POU6F1: variants seen among roughly 807,000 people sequenced by gnomAD.
POU6F1 encodes the protein POU domain, class 6, transcription factor 1.
POU6F1 carries 9 observed loss-of-function variants against 28.9 expected under a neutral mutation model. The observed-to-expected ratio is 0.31, with a 90% CI of 0.19 to 0.54. The LOEUF (loss-of-function observed/expected upper bound fraction) is 0.54. Among genes scored for constraint, POU6F1 ranks in the 20% least tolerant of loss-of-function variants. The pLI is 0.94. For synonymous variants in POU6F1, 173 were observed against 171.1 expected (o/e 1.01, Z -0.09); for missense variants, 338 against 426.1 (o/e 0.79, Z 1.82).
intron 1 of POU6F1, among the ~76,000 whole-genome samples, chr12:51,212,776 C>CAAAAA (rs1176606531): frequency 0.031 from 1,102 of 35,940 alleles, 2 homozygotes; most frequent in Middle Eastern, 0.053. Context: ...AACTCCGTCT[C>CAAAAA]AAAAAAAAAA....
In POU6F1 at chr12:51,190,423, G is replaced by T; in HGVS notation, c.1660C>A (p.Gln554Lys). 6.2e-7 allele frequency: 1 copy of T among 1,614,150 alleles called. No individual in the cohort carries two copies. Among genetic ancestry groups the T allele is most frequent in the Non-Finnish European group, 8.5e-7 (1 of 1,180,012 alleles). ...KRKRRTSFTP[Q>K]AIEALNAYFE... ...TAGGCATTGAGAGCCTCTATGGCCT[G>T]GGGGGTGAAGGAGGTGCGGCGTTTG... The change falls in exon 11 of 11, where the codon CAG (glutamine) becomes AAG (lysine). Residue 554 changes from glutamine (Q) to lysine (K), a missense_variant. Transcript: ENST00000333640. This position sits in a 1 kb window ranked among gnomAD's most constrained non-coding sequence, Gnocchi z 4.5.
chr12:51,197,869 C>T lies in POU6F1; in HGVS notation c.747G>A (p.Gln249=). 1 of 404,524 alleles carries T rather than the reference C, an allele frequency of 2.5e-6. No homozygotes were observed. Among genetic ancestry groups the T allele is most frequent in the Non-Finnish European group, 4.4e-6 (1 of 229,602 alleles). 25.1% of individuals were successfully genotyped at this position (404,524 alleles called of 1,614,324 possible). ...LLQTTPAILP[Q]PTAATAAAPT... is the part of the protein sequence containing the mutation. ...GGGCAGCAGCGGTGGCAGCAGTGGG[C>T]TGCGGGAGGATGGCAGGTGTGGTCT... The change falls in exon 6 of 11, where the codon CAG becomes CAA. Residue 249 remains glutamine, a synonymous_variant. Coordinates refer to ENST00000333640, the MANE Select transcript of POU6F1 (RefSeq NM_001330422.2).
In POU6F1 at chr12:51,190,063, C is replaced by A. The variant is rs1193961723; in HGVS notation, c.*184G>T. The stretch of plus-strand genomic sequence containing the variant: ...CTCTCGTGTGGCCCCCTCTGGCCTC[C>A]CCATGATGTGAGATGTGTGGGAGAA... On this transcript the variant is annotated 3_prime_UTR_variant, in exon 11 of 11. Coordinates refer to ENST00000333640, the MANE Select transcript of POU6F1 (RefSeq NM_001330422.2). This position sits in a 1 kb window ranked among gnomAD's most constrained non-coding sequence, Gnocchi z 4.5. 1.5e-5 allele frequency: 18 copies of A among 1,171,426 alleles called. No homozygotes were observed. Among genetic ancestry groups the A allele is most frequent in the Admixed American group, 2.8e-5 (1 of 35,226 alleles). 72.6% of individuals were successfully genotyped at this position (1,171,426 alleles called of 1,614,324 possible).
At chr12:51,201,820 A>T (rs1565618349) in intron 3 of POU6F1, 2 of 151,546 alleles carry the variant, frequency 1.3e-5, no homozygotes, top group Non-Finnish European at 2.9e-5. Flanking sequence ...AAACATCAAC[A>T]ATGTACCTGT....
At position 51,188,493 on chromosome 12, in the gene POU6F1, T is replaced by C. The variant is rs549301983; in HGVS notation, c.*1754A>G. On this transcript the variant is annotated 3_prime_UTR_variant, in exon 11 of 11. Coordinates refer to ENST00000333640, the MANE Select transcript of POU6F1 (RefSeq NM_001330422.2). ...CCAAATGCAGCAGAGCGTGTATGTGTGTGTGTGTGCGCGCGTCTGTGCGCG... is the reference window on the plus strand; with the variant it reads ...CCAAATGCAGCAGAGCGTGTATGTGCGTGTGTGTGCGCGCGTCTGTGCGCG... 14 of 152,406 alleles carry C rather than the reference T, an allele frequency of 9.2e-5. No individual in the cohort carries two copies. The highest frequency in any genetic ancestry group is 3.4e-4 in the African/African-American group (14 of 41,586). 9.4% of individuals were successfully genotyped at this position (152,406 alleles called of 1,614,324 possible).
At position 51,197,989 on chromosome 12, in the gene POU6F1, C is replaced by T. The variant is rs375924107; in HGVS notation, c.627G>A (p.Pro209=). 26 of 399,756 alleles carry T rather than the reference C, an allele frequency of 6.5e-5. No homozygotes were observed. Among genetic ancestry groups the T allele is most frequent in the African/African-American group, 8.2e-5 (4 of 48,576 alleles). The allele number at this position is 399,756 out of a possible 1,614,324, so 24.8% of individuals were successfully genotyped here. Residue 209 remains proline (P), a synonymous_variant, in exon 6 of 11, where the codon CCG becomes CCA. Transcript: ENST00000333640. ...CCTGTACTGGTGCGGCAGCTTGTAC[C>T]GGTGCCGGAAGAGCGGTGTTCAGCA... is the stretch of plus-strand genomic sequence containing the variant. ...AAVLNTALPA[P]VQAAAPVQAS...
chr12:51,205,799 T>C (rs892714607), intron 2 of POU6F1, among the ~76,000 whole-genome samples: 2 of 151,590 alleles, frequency 1.3e-5, no homozygotes, highest in Non-Finnish European at 1.5e-5. Flanking sequence ...TTCAGAGAAA[T>C]TCATCTTTTC....
intron 10 of POU6F1, 48 bp downstream of exon 10, chr12:51,191,548 C>A (rs768972307): frequency 6.3e-7 from 1 of 1,581,964 alleles, no homozygotes. Context: ...CCCGGTGGCA[C>A]CAGGCAGCTG....
At chr12:51,208,621 T>C (rs1021703102) in intron 1 of POU6F1, among the ~76,000 whole-genome samples, 3 of 152,062 alleles carry the variant, frequency 2.0e-5, no homozygotes, top group Non-Finnish European at 2.9e-5. Flanking sequence ...TATTAAGAGA[T>C]AGGGCCTCTG....
chr12:51,196,513 C>G (rs1282107060), intron 7 of POU6F1, among the ~76,000 whole-genome samples: 1 of 152,118 alleles, frequency 6.6e-6, no homozygotes. Context: ...ATTTGTACTC[C>G]AAAGAAAGTG....
At chr12:51,195,620 C>A (rs139765729) in intron 8 of POU6F1, among the ~76,000 whole-genome samples, 4 of 152,290 alleles carry the variant, frequency 2.6e-5, no homozygotes, top group Non-Finnish European at 5.9e-5. Context: ...GGGTACAGAA[C>A]TGACTTCCCA....
At position 51,190,820 on chromosome 12, in the gene POU6F1, C is replaced by G. The variant is rs540751879; in HGVS notation, c.1491-228G>C. Among the ~76,000 whole-genome samples the G allele has an allele frequency of 3.3e-5, 5 of 152,138 alleles. No homozygotes were observed. Among genetic ancestry groups the G allele is most frequent in the African/African-American group, 1.2e-4 (5 of 41,422 alleles). On this transcript the variant is annotated intron_variant, in intron 10 of 10. Coordinates refer to ENST00000333640, the MANE Select transcript of POU6F1 (RefSeq NM_001330422.2). The surrounding 1 kb of genome is among the most constrained non-coding windows in gnomAD (Gnocchi z 4.5). ...GGTCCTAACAGGGAAACCATTCCCA[C>G]GGCCTCGGCTCAGTCAGTAGTGGAA...
intron 1 of POU6F1, among the ~76,000 whole-genome samples, chr12:51,212,709 G>A (rs1944072432): frequency 7.1e-6 from 1 of 140,052 alleles, no homozygotes; most frequent in Non-Finnish European, 1.5e-5. Flanking sequence ...GAACAACAGG[G>A]AGGCAGAGGT....
In POU6F1 at chr12:51,191,727, G is replaced by C; in HGVS notation, c.1359C>G (p.Asn453Lys). Residue 453 changes from asparagine (N) to lysine (K), a missense_variant, in exon 10 of 11, where the codon AAC (asparagine) becomes AAG (lysine). Asn to Lys is a moderately conservative substitution (Grantham distance 94). Around this residue, in one of 3 missense-constraint regions of POU6F1, gnomAD observed 206 missense variants for 225.6 expected, o/e 0.91. Transcript: ENST00000333640. ...TGGCAAACTCCCGGATCTCTTCTAA[G>C]TTGATCCCATCCTCATCCAGACTTG... The part of the protein sequence containing the change: ...HTPSLDEDGI[N>K]LEEIREFAKN... 1 of 1,614,220 alleles carries C rather than the reference G, an allele frequency of 6.2e-7. No homozygotes were observed. Among genetic ancestry groups the C allele is most frequent in the Non-Finnish European group, 8.5e-7 (1 of 1,180,042 alleles).
chr12:51,206,245 A>T (rs948693854), intron 2 of POU6F1, among the ~76,000 whole-genome samples: 1 of 148,860 alleles, frequency 6.7e-6, no homozygotes, highest in Non-Finnish European at 1.5e-5. Flanking sequence ...AACACGGTGA[A>T]ACCCCATCTC....
intron 2 of POU6F1, among the ~76,000 whole-genome samples, chr12:51,205,197 G>A (rs1445223927): frequency 3.3e-5 from 5 of 151,756 alleles, no homozygotes; most frequent in East Asian, 3.9e-4. Flanking sequence ...CCACCACCAC[G>A]CCCGGCTAAT....
At position 51,199,622 on chromosome 12, in the gene POU6F1, AG is replaced by A. The variant is rs1473155092; in HGVS notation, c.366+124del. 10 of 398,332 alleles carry A rather than the reference AG, an allele frequency of 2.5e-5. No homozygotes were observed. In the Admixed American group the frequency reaches 3.5e-4, roughly 14 times the overall value. The allele number at this position is 398,332 out of a possible 1,614,324, so 24.7% of individuals were successfully genotyped here. A position where few individuals can be genotyped will look rare whatever the true frequency, so the allele number is the denominator to read the frequency against. Reference sequence around the variant, plus strand: ...GCCTAGTGGGAGAGTCCCTCCCTCAAGCCATAGCCCCTTCCCTGTCCTGCCC... The same window carrying A: ...GCCTAGTGGGAGAGTCCCTCCCTCAACCATAGCCCCTTCCCTGTCCTGCCC... On this transcript the variant is annotated intron_variant, in intron 4 of 10. Coordinates refer to ENST00000333640, the MANE Select transcript of POU6F1 (RefSeq NM_001330422.2). The surrounding 1 kb of genome is among the most constrained non-coding windows in gnomAD (Gnocchi z 4.1).
chr12:51,190,659 C>G lies in POU6F1; in HGVS notation c.1491-67G>C. 6.4e-7 allele frequency: 1 copy of G among 1,564,186 alleles called. No individual in the cohort carries two copies. On this transcript the variant is annotated intron_variant, in intron 10 of 10. Transcript: ENST00000333640. This position sits in a 1 kb window ranked among gnomAD's most constrained non-coding sequence, Gnocchi z 4.5. ...TTGGTCTCTTTGGCACACCCCGCAC[C>G]TAGGTGCAGGCTCCATCCTCAAGGG... is the stretch of plus-strand genomic sequence containing the variant.
chr12:51,210,401 G>T (rs1231292574), intron 1 of POU6F1, among the ~76,000 whole-genome samples: 2 of 152,204 alleles, frequency 1.3e-5, no homozygotes, highest in African/African-American at 4.8e-5. Flanking sequence ...TTGGGGAGAA[G>T]AATTTTCCAA....
Sources: allele counts gnomAD v4.1 joint callset (sites outside exome capture counted in the v4.1 genomes callset), GRCh38; gene constraint gnomAD v4.1.1; regional missense constraint gnomAD v4.1.1; non-coding constraint Gnocchi (gnomAD v3.1); transcripts MANE v1.5; gene names NCBI Gene and HGNC (gene_info 2026-07-23, HGNC 2026-07-21).